PTGER3: variants seen among roughly 807,000 people sequenced by gnomAD.
PTGER3 encodes the protein prostaglandin E receptor 3.
Under a neutral mutation model 34.7 loss-of-function variants are expected in PTGER3, and 22 were observed. That is an observed-to-expected ratio of 0.63 (90% CI 0.45 to 0.91). PTGER3 has a LOEUF of 0.91. Among genes scored for constraint, PTGER3 ranks in the 40% least tolerant of loss-of-function variants. The probability of loss-of-function intolerance (pLI) is 0.00; values close to 1 mark genes in which losing one functional copy is unlikely to be tolerated. For synonymous variants in PTGER3, 241 were observed against 230.1 expected (o/e 1.05, Z -0.43); for missense variants, 468 against 519.4 (o/e 0.90, Z 0.96).
chr1:70,983,977 G>A (rs1440257802), intron 2 of PTGER3, among the ~76,000 whole-genome samples: 1 of 152,104 alleles, frequency 6.6e-6, no homozygotes, highest in African/African-American at 2.4e-5. Flanking sequence ...AGCCTGAACT[G>A]GCCGGAAGAC....
At chr1:70,887,841 T>C (rs571219589) in intron 4 of PTGER3, among the ~76,000 whole-genome samples, 25 of 151,470 alleles carry the variant, frequency 1.7e-4, no homozygotes, top group African/African-American at 5.4e-4. Flanking sequence ...CAGACCACTA[T>C]GTAAACAAGA....
At chr1:71,000,111 C>G (rs1337730165) in intron 2 of PTGER3, among the ~76,000 whole-genome samples, 1 of 152,206 alleles carries the variant, frequency 6.6e-6, no homozygotes, top group Non-Finnish European at 1.5e-5. Flanking sequence ...CAAAGCCTTT[C>G]TTCCATGGGG....
downstream of PTGER3, chr1:70,950,665 T>A (rs1650672147): frequency 6.6e-6 from 1 of 152,220 alleles, no homozygotes; most frequent in South Asian, 2.1e-4. Context: ...TCCTTTTAGA[T>A]ATAATACCCA....
chr1:70,924,466 A>T (rs538967133), intron 4 of PTGER3, among the ~76,000 whole-genome samples: 1 of 152,294 alleles, frequency 6.6e-6, no homozygotes, highest in South Asian at 2.1e-4. Flanking sequence ...CCAACCAGTG[A>T]TCTCTGACTG....
intron 4 of PTGER3, among the ~76,000 whole-genome samples, chr1:70,910,941 G>A (rs1320646752): frequency 6.6e-6 from 1 of 151,864 alleles, no homozygotes; most frequent in Non-Finnish European, 1.5e-5. Flanking sequence ...AATTATCCAG[G>A]CATGGTGGTG....
exon 5 of PTGER3, chr1:70,852,685 C>T: frequency 1.1e-6 from 1 of 886,900 alleles, no homozygotes; most frequent in Non-Finnish European, 1.9e-6. Context: ...CAGGACATAA[C>T]AGCTTCTGGA....
intron 4 of PTGER3, among the ~76,000 whole-genome samples, chr1:70,906,083 AC>A (rs1401266181): frequency 3.3e-5 from 5 of 152,218 alleles, no homozygotes; most frequent in African/African-American, 1.2e-4. Flanking sequence ...TTTGCCTGCC[AC>A]CATCGATGTA....
intron 1 of PTGER3, among the ~76,000 whole-genome samples, chr1:71,038,356 T>C (rs752875614): frequency 6.6e-6 from 1 of 152,222 alleles, no homozygotes; most frequent in Non-Finnish European, 1.5e-5. Context: ...AGTTCCAACA[T>C]GGCCTTTTGT....
chr1:70,884,542 T>A (rs1040018258), intron 4 of PTGER3, among the ~76,000 whole-genome samples: 4 of 152,108 alleles, frequency 2.6e-5, no homozygotes, highest in Admixed American at 2.6e-4. Flanking sequence ...TAGAAGATGA[T>A]CTCAAGCCTC....
At chr1:70,944,771 T>C (rs1469786432) in intron 4 of PTGER3, among the ~76,000 whole-genome samples, 1 of 152,132 alleles carries the variant, frequency 6.6e-6, no homozygotes, top group Non-Finnish European at 1.5e-5. Flanking sequence ...ATATGTCTTT[T>C]TATAGCCTTA....
At chr1:70,886,741 G>C (rs144467230) in intron 4 of PTGER3, among the ~76,000 whole-genome samples, 1 of 152,126 alleles carries the variant, frequency 6.6e-6, no homozygotes, top group Admixed American at 6.5e-5. Flanking sequence ...TTTTTGTACT[G>C]TTCTTTATCT....
chr1:71,027,727 AT>A (rs201359491), intron 1 of PTGER3, among the ~76,000 whole-genome samples: 50 of 152,106 alleles, frequency 3.3e-4, no homozygotes, highest in Non-Finnish European at 5.9e-4. Flanking sequence ...TAGTAGCCAG[AT>A]TTTTTTTAAA....
At chr1:70,937,074 C>T (rs938834276) in intron 4 of PTGER3, among the ~76,000 whole-genome samples, 2 of 152,052 alleles carry the variant, frequency 1.3e-5, no homozygotes, top group African/African-American at 2.4e-5. Flanking sequence ...GCTCCTTTGG[C>T]CCAAAACAAG....
intron 4 of PTGER3, among the ~76,000 whole-genome samples, chr1:70,930,327 A>T (rs1372003105): frequency 6.6e-6 from 1 of 152,206 alleles, no homozygotes; most frequent in Non-Finnish European, 1.5e-5. Flanking sequence ...GCTGTTTTGT[A>T]CAAAGCCTCT....
intron 1 of PTGER3, 125 bp downstream of exon 1, chr1:71,046,556 G>A: frequency 1.6e-6 from 2 of 1,214,002 alleles, no homozygotes; most frequent in East Asian, 2.6e-5. Context: ...CGGGCAGGAG[G>A]AAAGGACACT....
intron 4 of PTGER3, among the ~76,000 whole-genome samples, chr1:70,866,837 C>T (rs752751731): frequency 6.6e-6 from 1 of 152,038 alleles, no homozygotes; most frequent in Admixed American, 6.6e-5. Flanking sequence ...TTCCAGGCAG[C>T]GGGATAGGGG....
intron 1 of PTGER3, among the ~76,000 whole-genome samples, chr1:71,045,314 G>A (rs540301335): frequency 4.6e-5 from 7 of 152,208 alleles, no homozygotes; most frequent in African/African-American, 1.7e-4. Context: ...CCACTGAACT[G>A]TACACATAAT....
At chr1:71,014,223 C>T (rs1657693797) in intron 1 of PTGER3, among the ~76,000 whole-genome samples, 1 of 152,078 alleles carries the variant, frequency 6.6e-6, no homozygotes. Context: ...CCTCAGGTCA[C>T]ATAACTTAAA....
chr1:70,865,957 C>T, intron 4 of PTGER3: 1 of 487,296 alleles, frequency 2.1e-6, no homozygotes, highest in South Asian at 2.4e-5. Flanking sequence ...CTACTCATTT[C>T]TTCTTCAAAG....
Sources: allele counts gnomAD v4.1 joint callset (sites outside exome capture counted in the v4.1 genomes callset), GRCh38; gene constraint gnomAD v4.1.1; transcripts MANE v1.5; gene names NCBI Gene and HGNC (gene_info 2026-07-23, HGNC 2026-07-21).